The following CFAP299 variants were observed in gnomAD, a reference collection of about 807,000 sequenced individuals.
CFAP299 encodes cilia- and flagella-associated protein 299.
Under a neutral mutation model 27.0 loss-of-function variants are expected in CFAP299, and 21 were observed. The observed-to-expected ratio is 0.78, with a 90% confidence interval of 0.55 to 1.12. The LOEUF is 1.12. CFAP299 is among the 50% of genes most tolerant of loss of function. The probability of loss-of-function intolerance (pLI) is 0.00; values close to 1 mark genes in which losing one functional copy is unlikely to be tolerated. For synonymous variants in CFAP299, 104 were observed against 98.1 expected (o/e 1.06, Z -0.36); for missense variants, 310 against 276.6 (o/e 1.12, Z -0.86).
intron 3 of CFAP299, among the ~76,000 whole-genome samples, chr4:80,629,195 G>A (rs1234308411): frequency 2.0e-5 from 3 of 152,150 alleles, no homozygotes; most frequent in Non-Finnish European, 4.4e-5. Context: ...TATGTTGAGT[G>A]AAATAGGCGG....
chr4:80,467,872 A>T (rs1453504110), intron 2 of CFAP299, among the ~76,000 whole-genome samples: 3 of 152,200 alleles, frequency 2.0e-5, no homozygotes, highest in African/African-American at 7.2e-5. Context: ...GAAAGAAGAG[A>T]GAGCAAAGAG....
At chr4:80,749,532 A>C (rs1243658711) in intron 3 of CFAP299, among the ~76,000 whole-genome samples, 1 of 152,256 alleles carries the variant, frequency 6.6e-6, no homozygotes, top group Non-Finnish European at 1.5e-5. Context: ...CAAGGAAGCC[A>C]GTAGTGGATC....
chr4:80,890,700 C>T (rs1322892559), intron 4 of CFAP299, among the ~76,000 whole-genome samples: 10 of 150,660 alleles, frequency 6.6e-5, no homozygotes, highest in Non-Finnish European at 1.3e-4. Context: ...GTTCCTATTT[C>T]TCCACATCCT....
chr4:80,413,481 C>T (rs966342621), intron 2 of CFAP299, among the ~76,000 whole-genome samples: 1 of 152,112 alleles, frequency 6.6e-6, no homozygotes, highest in Non-Finnish European at 1.5e-5. Context: ...CTATTGGTAC[C>T]TACAGACTTT....
At chr4:80,465,931 A>T (rs1249348199) in intron 2 of CFAP299, among the ~76,000 whole-genome samples, 2 of 152,208 alleles carry the variant, frequency 1.3e-5, no homozygotes, top group Non-Finnish European at 2.9e-5. Context: ...AACCCTGAGG[A>T]TTGCAGCTGG....
intron 4 of CFAP299, among the ~76,000 whole-genome samples, chr4:80,881,779 G>A (rs943764839): frequency 2.6e-5 from 4 of 152,178 alleles, no homozygotes; most frequent in Non-Finnish European, 4.4e-5. Context: ...TCTGTGAATT[G>A]CAAAAGAATT....
At chr4:80,477,758 C>G (rs1730353307) in intron 2 of CFAP299, among the ~76,000 whole-genome samples, 1 of 152,152 alleles carries the variant, frequency 6.6e-6, no homozygotes. Context: ...CCATTTGTCT[C>G]CCCTACTTAG....
chr4:80,450,274 A>G (rs1295667344), intron 2 of CFAP299, among the ~76,000 whole-genome samples: 1 of 152,198 alleles, frequency 6.6e-6, no homozygotes, highest in Non-Finnish European at 1.5e-5. Flanking sequence ...CTCCCTTTCA[A>G]AAAGTACTAT....
rs988255993 is a variant in CFAP299, at chr4:80,657,213, C to T, written c.333+74030C>T. Among the ~76,000 whole-genome samples the T allele has an allele frequency of 2.3e-4, 35 of 152,200 alleles. 1 individual carries two copies. The highest frequency in any genetic ancestry group is 8.2e-4 in the African/African-American group (34 of 41,534). On this transcript the variant is annotated intron_variant, in intron 3 of 5. Transcript: ENST00000358105. ...GCTGATGATAGTTTCTTTTGCTGTG[C>T]AGAAGTTCTTTAGTTTAATTAGATC...
chr4:80,708,642 T>C (rs1309906225), intron 3 of CFAP299, among the ~76,000 whole-genome samples: 1 of 152,146 alleles, frequency 6.6e-6, no homozygotes, highest in Non-Finnish European at 1.5e-5. Flanking sequence ...TGAGTACATA[T>C]GCATCTCTTC....
rs184439577 is a variant in CFAP299 at position 80,386,881 on chromosome 4, C to T, written c.242+23997C>T. ...TTGTCCTTGAGGTTGAATGCGGACT[C>T]GCACACCGAGCATTTGTAGGGCTTC... On this transcript the variant is annotated intron_variant, in intron 2 of 5. Coordinates refer to ENST00000358105, the MANE Select transcript of CFAP299 (RefSeq NM_152770.3). The T allele has an allele frequency of 1.7e-4, 144 of 847,858 alleles. No homozygotes were observed. The East Asian group carries it at 3.3e-3, about 19-fold the overall frequency. 52.5% of individuals were successfully genotyped at this position (847,858 alleles called of 1,614,324 possible). A position where few individuals can be genotyped will look rare whatever the true frequency, so the allele number is the denominator to read the frequency against.
intron 2 of CFAP299, among the ~76,000 whole-genome samples, chr4:80,532,372 G>A (rs1220630342): frequency 1.3e-5 from 2 of 152,142 alleles, no homozygotes; most frequent in African/African-American, 4.8e-5. Flanking sequence ...TAAAAAGTGG[G>A]AAGTAGTCCA....
chr4:80,861,207 T>C (rs956240888), intron 3 of CFAP299, among the ~76,000 whole-genome samples: 2 of 152,178 alleles, frequency 1.3e-5, no homozygotes, highest in Non-Finnish European at 2.9e-5. Flanking sequence ...TGTAGGACCC[T>C]CCGAGCCAGG....
chr4:80,830,200 G>T (rs1168993038), intron 3 of CFAP299, among the ~76,000 whole-genome samples: 2 of 152,010 alleles, frequency 1.3e-5, no homozygotes, highest in Non-Finnish European at 2.9e-5. Flanking sequence ...AGAATGCCCA[G>T]TTGTCAAATA....
chr4:80,870,364 A>G, intron 4 of CFAP299: 1 of 1,185,830 alleles, frequency 8.4e-7, no homozygotes, highest in Non-Finnish European at 1.0e-6. Context: ...GTAAATTCCC[A>G]GTGACATTCC....
chr4:80,523,272 TC>T (rs1015500542), intron 2 of CFAP299, among the ~76,000 whole-genome samples: 1 of 152,204 alleles, frequency 6.6e-6, no homozygotes, highest in Non-Finnish European at 1.5e-5. Context: ...TTTCTTGGTT[TC>T]CCTTTTGGAT....
the CFAP299 span, among the ~76,000 whole-genome samples, chr4:80,329,720 T>C: frequency 6.6e-6 from 1 of 152,158 alleles, no homozygotes; most frequent in Non-Finnish European, 1.5e-5. Context: ...TGCTTAGTTG[T>C]GACTGGAGTT....
intron 3 of CFAP299, among the ~76,000 whole-genome samples, chr4:80,642,653 A>G (rs901553863): frequency 2.0e-5 from 3 of 152,068 alleles, no homozygotes; most frequent in Non-Finnish European, 4.4e-5. Context: ...AGTCCCAGCT[A>G]CTCAAGTGGC....
chr4:80,359,147 C>T (rs1723420000), intron 1 of CFAP299, among the ~76,000 whole-genome samples: 2 of 152,052 alleles, frequency 1.3e-5, no homozygotes, highest in South Asian at 4.1e-4. Flanking sequence ...AATATTGGCC[C>T]CCAATCTTTT....
Sources: gnomAD v4.1 joint callset for allele counts (sites outside exome capture counted in the v4.1 genomes callset) on GRCh38, gnomAD v4.1.1 for gene constraint, MANE v1.5 for transcripts, NCBI Gene and HGNC (gene_info 2026-07-23, HGNC 2026-07-21) for gene names.